The following PTPRG variants were observed in gnomAD, a reference collection of about 807,000 sequenced individuals.
The protein encoded by PTPRG is protein tyrosine phosphatase receptor type G.
A neutral mutation model predicts 165.3 loss-of-function variants in PTPRG; 102 were observed. The ratio of observed to expected loss-of-function variants is 0.62; its 90% CI spans 0.53 to 0.73. The LOEUF (loss-of-function observed/expected upper bound fraction) is 0.73, where lower values mean the gene tolerates loss of function less well. PTPRG is among the 30% of genes least tolerant of loss of function. PTPRG has a pLI of 0.00. For synonymous variants in PTPRG, 675 were observed against 669.5 expected (o/e 1.01, Z -0.13); for missense variants, 1,866 against 1,861.4 (o/e 1.00, Z -0.05).
intron 2 of PTPRG, among the ~76,000 whole-genome samples, chr3:61,877,751 T>G (rs1211818379): frequency 6.6e-6 from 1 of 152,182 alleles, no homozygotes; most frequent in Non-Finnish European, 1.5e-5. Context: ...GCATGCTAGT[T>G]GGTAAAAGAA....
intron 1 of PTPRG, among the ~76,000 whole-genome samples, chr3:61,564,827 C>G (rs1267024737): frequency 1.3e-5 from 2 of 152,168 alleles, no homozygotes; most frequent in African/African-American, 2.4e-5. Context: ...TTCCCAGGCT[C>G]TGGGGCTGCA....
At chr3:62,122,997 A>G (rs1056466680) in intron 5 of PTPRG, among the ~76,000 whole-genome samples, 14 of 152,198 alleles carry the variant, frequency 9.2e-5, no homozygotes, top group Non-Finnish European at 1.8e-4. Flanking sequence ...GACGTATTCT[A>G]TTCCGCTACT....
In PTPRG at chr3:62,184,827, T is replaced by C. The variant is rs945664783; in HGVS notation, c.1034-6642T>C. On this transcript the variant is annotated intron_variant, in intron 8 of 29. Transcript: ENST00000474889. ...GCACCGAATTGGTTTGTTTGAGTAG[T>C]AGTACTGTCTCTTTGACTCCTGATC... Among the ~76,000 whole-genome samples the C allele has an allele frequency of 7.9e-5, 12 of 152,316 alleles. No individual in the cohort carries two copies. In the East Asian group the frequency reaches 2.3e-3, roughly 29 times the overall value.
In PTPRG at chr3:62,101,468, C is replaced by T. The variant is rs138871401; in HGVS notation, c.615+23210C>T. 1.8e-3 allele frequency among the ~76,000 whole-genome samples: 279 copies of T among 152,296 alleles called. 1 individual carries two copies. The highest frequency in any genetic ancestry group is 6.3e-3 in the African/African-American group (262 of 41,560). On this transcript the variant is annotated intron_variant, in intron 5 of 29. Transcript: ENST00000474889. ...TTAACTTTATGATAATATTATTAAT[C>T]AGTTTTGATATGTTTAATTATGGCT...
chr3:61,997,378 C>G (rs780624742), intron 3 of PTPRG, among the ~76,000 whole-genome samples: 1 of 152,190 alleles, frequency 6.6e-6, no homozygotes, highest in Non-Finnish European at 1.5e-5. Context: ...TCTCTTGGGA[C>G]AAACACAGAC....
chr3:62,184,832 C>T (rs1282989814), intron 8 of PTPRG, among the ~76,000 whole-genome samples: 2 of 152,210 alleles, frequency 1.3e-5, no homozygotes, highest in East Asian at 3.9e-4. Flanking sequence ...AGTAGTAGTA[C>T]TGTCTCTTTG....
intron 2 of PTPRG, among the ~76,000 whole-genome samples, chr3:61,945,370 G>T (rs2039731400): frequency 6.6e-6 from 1 of 151,940 alleles, no homozygotes; most frequent in Non-Finnish European, 1.5e-5. Flanking sequence ...GACGAGCCTG[G>T]CCAACATGGT....
chr3:62,197,656 A>G (rs543902017), intron 10 of PTPRG, among the ~76,000 whole-genome samples: 69 of 152,326 alleles, frequency 4.5e-4, no homozygotes, highest in Non-Finnish European at 8.8e-4. Context: ...CACATAAATC[A>G]TGATTAAGGC....
At chr3:62,168,691 C>T (rs1420462080) in intron 8 of PTPRG, among the ~76,000 whole-genome samples, 1 of 152,176 alleles carries the variant, frequency 6.6e-6, no homozygotes, top group Non-Finnish European at 1.5e-5. Flanking sequence ...CCTTGGGGCT[C>T]TGGCACTAGG....
intron 7 of PTPRG, among the ~76,000 whole-genome samples, chr3:62,160,924 T>C (rs942166044): frequency 4.2e-5 from 6 of 144,234 alleles, no homozygotes; most frequent in Admixed American, 7.3e-5. Flanking sequence ...AAAGGTTTAA[T>C]TGCATGACCC....
At chr3:61,953,306 G>C (rs912808853) in intron 2 of PTPRG, among the ~76,000 whole-genome samples, 1 of 152,132 alleles carries the variant, frequency 6.6e-6, no homozygotes, top group Non-Finnish European at 1.5e-5. Flanking sequence ...AGAATTGCTT[G>C]AAAGGGGCAA....
At chr3:61,653,885 TA>T (rs1702431904) in intron 1 of PTPRG, among the ~76,000 whole-genome samples, 1 of 53,480 alleles carries the variant, frequency 1.9e-5, no homozygotes, top group South Asian at 1.1e-3. Flanking sequence ...TGCAGGTTGT[TA>T]AGCGGGGAGC....
chr3:61,970,091 T>C (rs1256527008), intron 2 of PTPRG, among the ~76,000 whole-genome samples: 3 of 152,224 alleles, frequency 2.0e-5, no homozygotes. Context: ...TAAATATTCT[T>C]AAGCAAGGTA....
chr3:61,891,155 T>C (rs576918653), intron 2 of PTPRG, among the ~76,000 whole-genome samples: 128 of 152,030 alleles, frequency 8.4e-4, no homozygotes, highest in African/African-American at 3.0e-3. Flanking sequence ...CCATCTCTAC[T>C]AAAAATACAA....
intron 15 of PTPRG, among the ~76,000 whole-genome samples, chr3:62,253,095 A>G (rs1359179356): frequency 6.6e-6 from 1 of 152,218 alleles, no homozygotes; most frequent in Non-Finnish European, 1.5e-5. Context: ...AGCACTTTGC[A>G]GAAAAAAACA....
intron 5 of PTPRG, among the ~76,000 whole-genome samples, chr3:62,079,409 C>T (rs976869738): frequency 1.3e-5 from 2 of 152,124 alleles, no homozygotes; most frequent in Non-Finnish European, 2.9e-5. Context: ...GAAATTATTT[C>T]AGTAAGTTCT....
At chr3:62,186,456 G>T (rs1243133570) in intron 8 of PTPRG, among the ~76,000 whole-genome samples, 1 of 152,066 alleles carries the variant, frequency 6.6e-6, no homozygotes, top group Non-Finnish European at 1.5e-5. Context: ...GAGGACAGAG[G>T]GTGATGGGCA....
At chr3:61,921,776 G>A (rs1275444265) in intron 2 of PTPRG, among the ~76,000 whole-genome samples, 1 of 152,042 alleles carries the variant, frequency 6.6e-6, no homozygotes, top group Non-Finnish European at 1.5e-5. Context: ...GGATTTTTTG[G>A]AAAAGGTTCC....
At position 62,247,852 on chromosome 3, in the gene PTPRG, T is replaced by A. The variant is rs149326289; in HGVS notation, c.2467+3954T>A. Among the ~76,000 whole-genome samples, 258 of 152,274 alleles carry A rather than the reference T, an allele frequency of 1.7e-3. 2 individuals are homozygous for A. The highest frequency in any genetic ancestry group is 6.0e-3 in the African/African-American group (251 of 41,578). On this transcript the variant is annotated intron_variant, in intron 15 of 29. Transcript: ENST00000474889. ...AACTATTATAAAATAGGTAAATGAT[T>A]AAGGAAAGCTTTGCTAACCCTTTGA...
Sources: gnomAD v4.1 joint callset for allele counts (sites outside exome capture counted in the v4.1 genomes callset) on GRCh38, gnomAD v4.1.1 for gene constraint, MANE v1.5 for transcripts, NCBI Gene and HGNC (gene_info 2026-07-23, HGNC 2026-07-21) for gene names.